VPS13B: variants seen among roughly 807,000 people sequenced by gnomAD.
VPS13B encodes the protein intermembrane lipid transfer protein VPS13B.
A neutral mutation model predicts 426.4 loss-of-function variants in VPS13B; 285 were observed. The ratio of observed to expected loss-of-function variants is 0.67; its 90% confidence interval spans 0.61 to 0.74. The LOEUF (loss-of-function observed/expected upper bound fraction) is 0.74. VPS13B is among the 30% of genes least tolerant of loss of function. The pLI is 0.00. For missense variants in VPS13B, 4,537 were observed against 4,782.6 expected (o/e 0.95, Z 1.51); for synonymous variants, 1,676 against 1,676.4 (o/e 1.00, Z 0.01).
Position 99,045,773 on chromosome 8 carries a change from A to G in VPS13B, c.291+7207A>G, listed in dbSNP as rs913908909. Among the ~76,000 whole-genome samples the G allele has an allele frequency of 3.9e-5, 6 of 152,238 alleles. No individual in the cohort carries two copies. The South Asian group carries it at 1.2e-3, about 32-fold the overall frequency. ...TCATTCTCCTACATGTGGCTTGCCAATTATCCCAGCACCATTTGTTGGATA... is the reference window on the plus strand; with the variant it reads ...TCATTCTCCTACATGTGGCTTGCCAGTTATCCCAGCACCATTTGTTGGATA... On this transcript the variant is annotated intron_variant, in intron 3 of 61. Transcript: ENST00000357162.
chr8:99,371,123 CATT>C (rs1200147281), intron 19 of VPS13B, among the ~76,000 whole-genome samples: 2 of 152,242 alleles, frequency 1.3e-5, no homozygotes, highest in East Asian at 3.9e-4. Context: ...AGAATGTTAT[CATT>C]ATCACATATT....
intron 39 of VPS13B, among the ~76,000 whole-genome samples, chr8:99,722,832 C>A (rs551656921): frequency 6.6e-6 from 1 of 152,154 alleles, no homozygotes; most frequent in African/African-American, 2.4e-5. Flanking sequence ...ATCAGACTTG[C>A]CTAAATGCAG....
At chr8:99,760,641 T>A (rs1199620702) in intron 39 of VPS13B, among the ~76,000 whole-genome samples, 1 of 152,176 alleles carries the variant, frequency 6.6e-6, no homozygotes, top group Admixed American at 6.5e-5. Context: ...TTGAATAAAA[T>A]CTTTAAAATA....
At chr8:99,576,147 C>G (rs1306596580) in intron 32 of VPS13B, among the ~76,000 whole-genome samples, 1 of 151,958 alleles carries the variant, frequency 6.6e-6, no homozygotes, top group African/African-American at 2.4e-5. Flanking sequence ...TCAAACTGAT[C>G]AATAGAAGAA....
intron 21 of VPS13B, chr8:99,424,321 GT>G (rs2133387715): frequency 6.6e-6 from 1 of 151,932 alleles, no homozygotes; most frequent in African/African-American, 2.4e-5. Flanking sequence ...CGTGAGATGG[GT>G]TTCCTGAATA....
In VPS13B at chr8:99,013,954, AT is replaced by A. The variant is rs1289152149; in HGVS notation, c.147+21del. 1 of 1,613,844 alleles carries A rather than the reference AT, an allele frequency of 6.2e-7. No individual in the cohort carries two copies. Among genetic ancestry groups the A allele is most frequent in the Non-Finnish European group, 8.5e-7 (1 of 1,179,898 alleles). Reference sequence around the variant, plus strand: ...GGAACAGGTAAGCTATTTAGCTGTCATTAACTGGAAACAGTTTTCAGCTTGT... The same window carrying A: ...GGAACAGGTAAGCTATTTAGCTGTCATAACTGGAAACAGTTTTCAGCTTGT... On this transcript the variant is annotated intron_variant, in intron 2 of 61. Coordinates refer to ENST00000357162, the MANE Select transcript of VPS13B (RefSeq NM_152564.5).
intron 3 of VPS13B, among the ~76,000 whole-genome samples, chr8:99,041,780 G>A (rs1842974797): frequency 6.6e-6 from 1 of 151,650 alleles, no homozygotes; most frequent in Admixed American, 6.6e-5. Flanking sequence ...ATGAACCCGC[G>A]AGGTGGAGTT....
rs1182128920 is a variant in VPS13B at position 99,876,012 on chromosome 8, A to ATATG, written c.*348_*351dup. On this transcript the variant is annotated 3_prime_UTR_variant, in exon 62 of 62. Coordinates refer to ENST00000357162, the MANE Select transcript of VPS13B (RefSeq NM_152564.5). ...TAGAGACAATGATTAACAGGGCCCT[A>ATATG]TATGTTCTTACCACATACAGAGGAT... 8.8e-6 allele frequency: 3 copies of ATATG among 339,194 alleles called. No homozygotes were observed. Among genetic ancestry groups the ATATG allele is most frequent in the East Asian group, 7.2e-5 (1 of 13,898 alleles). 21.0% of individuals were successfully genotyped at this position (339,194 alleles called of 1,614,324 possible). A position where few individuals can be genotyped will look rare whatever the true frequency, so the allele number is the denominator to read the frequency against.
intron 19 of VPS13B, among the ~76,000 whole-genome samples, chr8:99,352,924 C>CT (rs1266991457): frequency 6.6e-6 from 1 of 152,014 alleles, no homozygotes; most frequent in Non-Finnish European, 1.5e-5. Flanking sequence ...TGATTAAATG[C>CT]TTTTTCTTCC....
intron 39 of VPS13B, among the ~76,000 whole-genome samples, chr8:99,753,974 G>A (rs1288766214): frequency 5.9e-5 from 9 of 152,168 alleles, no homozygotes; most frequent in African/African-American, 1.9e-4. Context: ...TACAAAAATA[G>A]GGTTTGGTTA....
intron 25 of VPS13B, among the ~76,000 whole-genome samples, chr8:99,501,105 A>G (rs1471939623): frequency 6.6e-6 from 1 of 152,208 alleles, no homozygotes; most frequent in Non-Finnish European, 1.5e-5. Context: ...CTTAATTAAC[A>G]TGCAAGGCAT....
intron 25 of VPS13B, among the ~76,000 whole-genome samples, chr8:99,492,157 A>G (rs763518474): frequency 6.6e-6 from 1 of 151,934 alleles, no homozygotes; most frequent in Non-Finnish European, 1.5e-5. Flanking sequence ...CAGGAGTTCT[A>G]CTCCAGACCC....
At position 99,859,318 on chromosome 8, in the gene VPS13B, T is replaced by A; in HGVS notation, c.10882T>A (p.Ser3628Thr). 3 of 1,613,622 alleles carry A rather than the reference T, an allele frequency of 1.9e-6. No homozygotes were observed. The highest frequency in any genetic ancestry group is 2.5e-6 in the Non-Finnish European group (3 of 1,179,922). The change falls in exon 57 of 62, where the codon TCT (serine) becomes ACT (threonine). Residue 3628 changes from serine to threonine, a missense_variant. Transcript: ENST00000357162. ...ALFRAGWVVGSLDILGSPASL... is the reference protein window; with the variant it reads ...ALFRAGWVVGTLDILGSPASL... ...GTGCGTTGCAGGCTGGGTAGTTGGG[T>A]CTCTGGATATTCTTGGCAGCCCTGC...
At chr8:99,418,431 T>C (rs1253578541) in intron 21 of VPS13B, among the ~76,000 whole-genome samples, 1 of 152,064 alleles carries the variant, frequency 6.6e-6, no homozygotes, top group Admixed American at 6.5e-5. Flanking sequence ...AATAGATATA[T>C]GAACAGTTAA....
intron 16 of VPS13B, among the ~76,000 whole-genome samples, chr8:99,170,884 A>G (rs1225040193): frequency 2.6e-5 from 4 of 151,806 alleles, no homozygotes; most frequent in Non-Finnish European, 4.4e-5. Context: ...TTCTCATTCT[A>G]ATTAGTAAGC....
chr8:99,510,161 TACATC>T (rs2133634145), intron 28 of VPS13B, among the ~76,000 whole-genome samples: 1 of 152,366 alleles, frequency 6.6e-6, no homozygotes, highest in African/African-American at 2.4e-5. Context: ...GTTATATTGT[TACATC>T]ACATTACTGT....
chr8:99,114,588 C>T (rs1385567093), intron 6 of VPS13B, among the ~76,000 whole-genome samples: 2 of 152,316 alleles, frequency 1.3e-5, no homozygotes, highest in East Asian at 1.9e-4. Context: ...GACATGCATA[C>T]TCCTTTCCTG....
At chr8:99,743,088 G>C (rs1322342791) in intron 39 of VPS13B, among the ~76,000 whole-genome samples, 1 of 152,182 alleles carries the variant, frequency 6.6e-6, no homozygotes, top group South Asian at 2.1e-4. Context: ...CATTATCTCA[G>C]CCCAAAATCT....
At chr8:99,079,727 T>C (rs1845342799) in intron 3 of VPS13B, among the ~76,000 whole-genome samples, 2 of 152,148 alleles carry the variant, frequency 1.3e-5, no homozygotes, top group South Asian at 4.1e-4. Context: ...TACTTGATAG[T>C]TTCATACTTG....
Sources: gnomAD v4.1 joint callset for allele counts (sites outside exome capture counted in the v4.1 genomes callset) on GRCh38, gnomAD v4.1.1 for gene constraint, MANE v1.5 for transcripts, NCBI Gene and HGNC (gene_info 2026-07-23, HGNC 2026-07-21) for gene names.